Variants in AKAP6 observed in about 807,000 individuals in gnomAD.
AKAP6 encodes the protein A-kinase anchor protein 6.
In AKAP6, 58 loss-of-function variants were observed where a neutral mutation model predicts 188.5. That is an observed-to-expected ratio of 0.31 (90% CI 0.25 to 0.38). AKAP6 has a LOEUF of 0.38. Among genes scored for constraint, AKAP6 ranks in the 10% least tolerant of loss-of-function variants. The pLI is 1.00. For missense variants in AKAP6, 2,710 were observed against 2,740.0 expected (o/e 0.99, Z 0.24); for synonymous variants, 989 against 998.6 (o/e 0.99, Z 0.18).
At chr14:32,721,252 T>C (rs527524974) in intron 9 of AKAP6, among the ~76,000 whole-genome samples, 3 of 152,050 alleles carry the variant, frequency 2.0e-5, no homozygotes, top group African/African-American at 7.2e-5. Context: ...CAATGTAATA[T>C]AGCACAACTC....
intron 2 of AKAP6, among the ~76,000 whole-genome samples, chr14:32,504,434 C>A (rs528819850): frequency 2.2e-4 from 33 of 152,156 alleles, no homozygotes; most frequent in African/African-American, 8.0e-4. Context: ...GTGTGTGCCA[C>A]CACACCTGGC....
chr14:32,368,566 G>C (rs1416862371), intron 1 of AKAP6, among the ~76,000 whole-genome samples: 1 of 152,118 alleles, frequency 6.6e-6, no homozygotes, highest in African/African-American at 2.4e-5. Flanking sequence ...GGGGATACTA[G>C]AGGTAGAGGT....
chr14:32,480,804 G>A (rs1252928115), intron 2 of AKAP6, among the ~76,000 whole-genome samples: 1 of 152,084 alleles, frequency 6.6e-6, no homozygotes, highest in South Asian at 2.1e-4. Flanking sequence ...GCCCACTCAA[G>A]CCTGAAGATC....
In AKAP6 at chr14:32,732,578, A is replaced by G. The variant is rs376138577; in HGVS notation, c.3125A>G (p.Asn1042Ser). The G allele has an allele frequency of 6.2e-7, 1 of 1,613,550 alleles. No individual in the cohort carries two copies. The highest frequency in any genetic ancestry group is 8.5e-7 in the Non-Finnish European group (1 of 1,179,730). ...NDLLEKVDSINEKWELLGKTL... is the reference protein window; with the variant it reads ...NDLLEKVDSISEKWELLGKTL... The stretch of plus-strand genomic sequence containing the variant: ...CTCCTTGAAAAAGTGGATTCAATTA[A>G]TGAAAAATGGGAACTGCTTGGGGTA... The change falls in exon 10 of 14, where the codon AAT becomes AGT. Residue 1042 changes from asparagine (N) to serine (S), a missense_variant. Asn to Ser is a conservative substitution (Grantham distance 46). Around this residue, in one of 2 missense-constraint regions of AKAP6, gnomAD observed 2,473 missense variants for 2,426.1 expected, o/e 1.02. Coordinates refer to ENST00000280979, the MANE Select transcript of AKAP6 (RefSeq NM_004274.5).
chr14:32,375,937 C>T (rs1291880235), intron 1 of AKAP6: 1 of 152,170 alleles, frequency 6.6e-6, no homozygotes, highest in Non-Finnish European at 1.5e-5. Context: ...GTCTTCTTCA[C>T]TTACTTAAGA....
At chr14:32,726,208 G>C in intron 9 of AKAP6, 1 of 983,712 alleles carries the variant, frequency 1.0e-6, no homozygotes, top group African/African-American at 1.7e-5. Context: ...CTTTACTGCA[G>C]ACTAAGGAGA....
intron 4 of AKAP6, among the ~76,000 whole-genome samples, chr14:32,557,403 C>T (rs574362388): frequency 2.6e-4 from 39 of 152,120 alleles, no homozygotes; most frequent in Non-Finnish European, 4.7e-4. Context: ...CCCATTATAG[C>T]CTACTCTTTT....
At chr14:32,695,475 T>C (rs1275299560) in intron 8 of AKAP6, among the ~76,000 whole-genome samples, 2 of 152,212 alleles carry the variant, frequency 1.3e-5, no homozygotes, top group Non-Finnish European at 2.9e-5. Flanking sequence ...TTGGAGCTGA[T>C]AGTGATCCTT....
intron 2 of AKAP6, among the ~76,000 whole-genome samples, chr14:32,513,091 G>T (rs1035106145): frequency 3.9e-5 from 6 of 152,140 alleles, no homozygotes; most frequent in Non-Finnish European, 7.4e-5. Context: ...ATCTTAGGGT[G>T]TTGGGGTCAC....
intron 7 of AKAP6, 44 bp from the exon 8 acceptor site, chr14:32,678,267 C>T (rs1166841107): frequency 6.4e-7 from 1 of 1,574,130 alleles, no homozygotes; most frequent in Non-Finnish European, 8.7e-7. Context: ...GAAATGCATT[C>T]CTTCTGGATT....
chr14:32,476,111 A>G (rs1324844378), intron 2 of AKAP6, among the ~76,000 whole-genome samples: 1 of 146,880 alleles, frequency 6.8e-6, no homozygotes, highest in Non-Finnish European at 1.5e-5. Context: ...AATAAACAAT[A>G]TATTGTTCTT....
chr14:32,720,434 A>G (rs577650573), intron 9 of AKAP6, among the ~76,000 whole-genome samples: 4 of 152,356 alleles, frequency 2.6e-5, no homozygotes, highest in South Asian at 4.1e-4. Context: ...TAGATGGTCA[A>G]TCAAGTTTTA....
At chr14:32,806,005 A>G (rs1219379047) in intron 12 of AKAP6, among the ~76,000 whole-genome samples, 2 of 152,222 alleles carry the variant, frequency 1.3e-5, no homozygotes, top group Non-Finnish European at 2.9e-5. Flanking sequence ...CTATTAATGT[A>G]TCACTGCTGA....
rs997502923 is a variant in AKAP6, at chr14:32,509,335, C to T, written c.325-26219C>T. Among the ~76,000 whole-genome samples the T allele has an allele frequency of 7.2e-5, 11 of 151,890 alleles. No homozygotes were observed. In the South Asian group the frequency reaches 2.3e-3, roughly 32 times the overall value. ...TAGAGACGGGGTTTCGCCATGTTGT[C>T]CAGGCTGGTCTTAAACTCCTGAGCT... On this transcript the variant is annotated intron_variant, in intron 2 of 13. Transcript: ENST00000280979.
chr14:32,826,448 C>T (rs1299601240), intron 13 of AKAP6, among the ~76,000 whole-genome samples: 1 of 152,132 alleles, frequency 6.6e-6, no homozygotes, highest in Admixed American at 6.5e-5. Flanking sequence ...CCTATTAGAA[C>T]CGATTGTACT....
At chr14:32,657,928 A>G (rs1215444834) in intron 7 of AKAP6, among the ~76,000 whole-genome samples, 1 of 152,178 alleles carries the variant, frequency 6.6e-6, no homozygotes, top group African/African-American at 2.4e-5. Context: ...CCAATTTTAT[A>G]TTTAACAAAA....
intron 9 of AKAP6, among the ~76,000 whole-genome samples, chr14:32,704,933 C>G (rs1286796759): frequency 6.6e-6 from 1 of 152,120 alleles, no homozygotes; most frequent in Non-Finnish European, 1.5e-5. Flanking sequence ...ATTCCTAAAG[C>G]AGGAATGTGG....
chr14:32,598,439 T>C (rs2096283484), intron 5 of AKAP6, among the ~76,000 whole-genome samples: 1 of 152,164 alleles, frequency 6.6e-6, no homozygotes, highest in South Asian at 2.1e-4. Flanking sequence ...GGAAAAATCT[T>C]TGGAAAGCCA....
intron 13 of AKAP6, among the ~76,000 whole-genome samples, chr14:32,829,329 A>G (rs758523840): frequency 6.6e-6 from 1 of 152,218 alleles, no homozygotes; most frequent in Non-Finnish European, 1.5e-5. Context: ...GATAATCACA[A>G]TGTTGTGAAT....
Sources: allele counts gnomAD v4.1 joint callset (sites outside exome capture counted in the v4.1 genomes callset), GRCh38; gene constraint gnomAD v4.1.1; regional missense constraint gnomAD v4.1.1; transcripts MANE v1.5; gene names NCBI Gene and HGNC (gene_info 2026-07-23, HGNC 2026-07-21).